Variants in NAALADL2 observed in about 807,000 individuals in gnomAD.
NAALADL2 encodes the protein inactive N-acetylated-alpha-linked acidic dipeptidase-like protein 2.
NAALADL2 carries 76 observed loss-of-function variants against 87.2 expected under a neutral mutation model. That is an observed-to-expected ratio of 0.87 (90% CI 0.72 to 1.05). The LOEUF (loss-of-function observed/expected upper bound fraction) is 1.05, where lower values mean the gene tolerates loss of function less well. NAALADL2 is among the 50% of genes least tolerant of loss of function. The pLI is 0.00. For synonymous variants in NAALADL2, 354 were observed against 331.0 expected, an observed-to-expected ratio of 1.07 and a Z score of -0.75; for missense variants, 1,089 against 945.8, an observed-to-expected ratio of 1.15 and a Z score of -1.99.
At chr3:174,888,421 G>A (rs1160526930) in intron 1 of NAALADL2, among the ~76,000 whole-genome samples, 2 of 152,194 alleles carry the variant, frequency 1.3e-5, no homozygotes, top group Non-Finnish European at 2.9e-5. Context: ...ACTGTTATTG[G>A]TGAATGTAGT....
intron 11 of NAALADL2, among the ~76,000 whole-genome samples, chr3:175,658,647 T>G (rs1159206173): frequency 3.9e-5 from 6 of 152,170 alleles, no homozygotes; most frequent in Admixed American, 1.3e-4. Context: ...GTTTCACAAT[T>G]GATTTGGATA....
intron 2 of NAALADL2, among the ~76,000 whole-genome samples, chr3:174,696,944 T>C (rs2108869542): frequency 6.6e-6 from 1 of 152,218 alleles, no homozygotes; most frequent in Non-Finnish European, 1.5e-5. Flanking sequence ...AGGCAGCTGG[T>C]TTTAAGCAGA....
intron 1 of NAALADL2, among the ~76,000 whole-genome samples, chr3:174,981,619 T>G (rs1256239859): frequency 6.6e-6 from 1 of 152,184 alleles, no homozygotes; most frequent in Non-Finnish European, 1.5e-5. Context: ...ATACTATCAG[T>G]TTTTAGGCTT....
intron 1 of NAALADL2, among the ~76,000 whole-genome samples, chr3:174,532,546 G>T (rs1226043711): frequency 6.6e-6 from 1 of 152,122 alleles, no homozygotes; most frequent in Non-Finnish European, 1.5e-5. Context: ...GGAACTCAGA[G>T]TACTGTTCAA....
At chr3:175,704,143 A>T (rs1293407997) in intron 11 of NAALADL2, among the ~76,000 whole-genome samples, 1 of 152,184 alleles carries the variant, frequency 6.6e-6, no homozygotes, top group Non-Finnish European at 1.5e-5. Flanking sequence ...GTTATAAAAT[A>T]CAATCTGAGT....
At chr3:175,771,619 A>T (rs1749499473) in intron 13 of NAALADL2, among the ~76,000 whole-genome samples, 1 of 152,134 alleles carries the variant, frequency 6.6e-6, no homozygotes. Context: ...TCTTTGCCTC[A>T]GTCTTCACAT....
chr3:175,033,758 T>C (rs1753063976), intron 1 of NAALADL2, among the ~76,000 whole-genome samples: 1 of 152,130 alleles, frequency 6.6e-6, no homozygotes, highest in Non-Finnish European at 1.5e-5. Flanking sequence ...CTCTTTCTTC[T>C]CCCTTTACTC....
intron 11 of NAALADL2, among the ~76,000 whole-genome samples, chr3:175,691,989 A>G (rs1319636617): frequency 7.2e-5 from 11 of 152,178 alleles, no homozygotes; most frequent in Admixed American, 5.2e-4. Context: ...TGATGCTGCT[A>G]AAGTCTTTCA....
intron 2 of NAALADL2, among the ~76,000 whole-genome samples, chr3:175,217,852 G>A (rs1742791146): frequency 6.6e-6 from 1 of 152,128 alleles, no homozygotes; most frequent in South Asian, 2.1e-4. Context: ...CTTCATTGGG[G>A]TTTGTGTTTG....
intron 5 of NAALADL2, among the ~76,000 whole-genome samples, chr3:175,325,152 GTT>G (rs923292146): frequency 3.5e-4 from 32 of 91,474 alleles, no homozygotes; most frequent in Admixed American, 2.4e-3. Flanking sequence ...AATTTTTTTT[GTT>G]TTTTTTTCCC....
chr3:175,486,987 C>T (rs1258828770), intron 9 of NAALADL2, among the ~76,000 whole-genome samples: 2 of 152,152 alleles, frequency 1.3e-5, no homozygotes, highest in Non-Finnish European at 2.9e-5. Context: ...CCCTTTGCCC[C>T]ATACAACCCA....
chr3:174,690,770 A>G (rs533443562), intron 2 of NAALADL2, among the ~76,000 whole-genome samples: 1 of 152,276 alleles, frequency 6.6e-6, no homozygotes, highest in African/African-American at 2.4e-5. Flanking sequence ...TAGATTTGCA[A>G]AGTAGAATTC....
chr3:174,650,658 T>C (rs1724267054), intron 2 of NAALADL2, among the ~76,000 whole-genome samples: 1 of 152,110 alleles, frequency 6.6e-6, no homozygotes, highest in African/African-American at 2.4e-5. Flanking sequence ...AATGAGTTTA[T>C]GTTATAGGAA....
intron 5 of NAALADL2, among the ~76,000 whole-genome samples, chr3:175,421,422 G>A (rs919125729): frequency 6.6e-6 from 1 of 152,004 alleles, no homozygotes; most frequent in Non-Finnish European, 1.5e-5. Flanking sequence ...ATGTCCTCAA[G>A]GTCACTGTGA....
chr3:175,344,530 T>C lies in NAALADL2; in HGVS notation c.1090+20205T>C, dbSNP rs186166513. 4.5e-4 allele frequency among the ~76,000 whole-genome samples: 68 copies of C among 152,070 alleles called. 3 individuals are homozygous for C. The East Asian group carries it at 5.0e-3, about 11-fold the overall frequency. On this transcript the variant is annotated intron_variant, in intron 5 of 13. Coordinates refer to ENST00000454872, the MANE Select transcript of NAALADL2 (RefSeq NM_207015.3). ...TGCCTTTTATGGGTTAATTGGAATTTTGGAAATAATTTGACATAACTTTAA... is the reference window on the plus strand; with the variant it reads ...TGCCTTTTATGGGTTAATTGGAATTCTGGAAATAATTTGACATAACTTTAA...
intron 2 of NAALADL2, among the ~76,000 whole-genome samples, chr3:174,620,264 A>T (rs1363723795): frequency 2.0e-5 from 3 of 152,080 alleles, no homozygotes; most frequent in Non-Finnish European, 4.4e-5. Context: ...CAGATGAATT[A>T]AATAAAACAT....
intron 11 of NAALADL2, among the ~76,000 whole-genome samples, chr3:175,701,610 A>G (rs1426108995): frequency 6.6e-6 from 1 of 152,088 alleles, no homozygotes; most frequent in African/African-American, 2.4e-5. Flanking sequence ...TGATTTTACC[A>G]TGTTAAACGT....
At chr3:174,923,172 G>A (rs990706567) in intron 1 of NAALADL2, among the ~76,000 whole-genome samples, 2 of 151,892 alleles carry the variant, frequency 1.3e-5, no homozygotes, top group African/African-American at 4.8e-5. Flanking sequence ...AAAAGATGGG[G>A]GCTTATGGAA....
At chr3:175,655,777 C>A (rs1731381686) in intron 11 of NAALADL2, among the ~76,000 whole-genome samples, 1 of 152,040 alleles carries the variant, frequency 6.6e-6, no homozygotes, top group African/African-American at 2.4e-5. Context: ...TGTCATATTG[C>A]TTTAGACTAC....
Sources: allele counts gnomAD v4.1 joint callset (sites outside exome capture counted in the v4.1 genomes callset), GRCh38; gene constraint gnomAD v4.1.1; transcripts MANE v1.5; gene names NCBI Gene and HGNC (gene_info 2026-07-23, HGNC 2026-07-21).